The following SCD5 variants were observed in gnomAD, a reference collection of about 807,000 sequenced individuals.
SCD5 encodes the protein acyl-CoA-desaturase 4.
Under a neutral mutation model 30.4 loss-of-function variants are expected in SCD5, and 20 were observed. The ratio of observed to expected loss-of-function variants is 0.66; its 90% confidence interval spans 0.46 to 0.96. The LOEUF (loss-of-function observed/expected upper bound fraction) is 0.96. Among genes scored for constraint, SCD5 ranks in the 40% least tolerant of loss-of-function variants. SCD5 has a pLI of 0.00. For missense variants in SCD5, 381 were observed against 443.3 expected (o/e 0.86, Z 1.26); for synonymous variants, 173 against 176.4 (o/e 0.98, Z 0.16).
intron 1 of SCD5, among the ~76,000 whole-genome samples, chr4:82,721,746 C>T (rs1280859872): frequency 3.9e-5 from 6 of 152,204 alleles, no homozygotes; most frequent in Non-Finnish European, 8.8e-5. Context: ...AACTTCTAGC[C>T]TCTGGAACTG....
Position 82,784,065 on chromosome 4 carries a change from CA to C in SCD5, c.232+14240del, listed in dbSNP as rs141984427. On this transcript the variant is annotated intron_variant, in intron 1 of 4. Transcript: ENST00000319540. ...AGAGGAAATGATAAAGCAAATGAGG[CA>C]AGATGTCAGCTGGCGAATCTGGATA... Among the ~76,000 whole-genome samples, 928 of 152,120 alleles carry C rather than the reference CA, an allele frequency of 6.1e-3. 9 individuals are homozygous for C. Among genetic ancestry groups the C allele is most frequent in the African/African-American group, 0.02 (827 of 41,494 alleles).
chr4:82,798,340 G>A lies in SCD5; in HGVS notation c.198C>T (p.Leu66=), dbSNP rs752988800. Residue 66 remains leucine, a synonymous_variant, in exon 1 of 5, where the codon CTC becomes CTT. Transcript: ENST00000319540. The stretch of plus-strand genomic sequence containing the variant: ...GAGTGAGTGGCTTGGCTTTGGGGAT[G>A]AGCACCAGGGAGTACACGGCCCCCA... ...LHLGAVYSLV[L]IPKAKPLTLL... is the part of the protein sequence containing the mutation. The A allele has an allele frequency of 6.2e-6, 10 of 1,611,992 alleles. No individual in the cohort carries two copies. Among genetic ancestry groups the A allele is most frequent in the East Asian group, 4.5e-5 (2 of 44,788 alleles).
intron 2 of SCD5, among the ~76,000 whole-genome samples, chr4:82,687,356 CT>C (rs1465452730): frequency 1.3e-5 from 2 of 152,108 alleles, no homozygotes; most frequent in East Asian, 1.9e-4. Flanking sequence ...GTGGGTGACT[CT>C]TTTTTATTTT....
chr4:82,718,072 CT>C lies in SCD5; in HGVS notation c.233-12660del, dbSNP rs113602410. The stretch of plus-strand genomic sequence containing the variant: ...CTGAGTAGTTATGGGTCATTATCAC[CT>C]TTTTTTTTTAAAAAAAAAAAAAGCA... On this transcript the variant is annotated intron_variant, in intron 1 of 4. Coordinates refer to ENST00000319540, the MANE Select transcript of SCD5 (RefSeq NM_001037582.3). Among the ~76,000 whole-genome samples, 321 of 141,060 alleles carry C rather than the reference CT, an allele frequency of 2.3e-3. 2 individuals are homozygous for C. The highest frequency in any genetic ancestry group is 6.6e-3 in the Admixed American group (94 of 14,146). The allele number at this position is 141,060 out of a possible 152,430, so 92.5% of individuals were successfully genotyped here. A position where few individuals can be genotyped will look rare whatever the true frequency, so the allele number is the denominator to read the frequency against.
chr4:82,631,648 G>T, intron 4 of SCD5, 131 bp from the exon 5 acceptor site: 2 of 877,308 alleles, frequency 2.3e-6, no homozygotes, highest in Non-Finnish European at 3.4e-6. Flanking sequence ...CAAAAGACTT[G>T]GTTACTGACT....
intron 3 of SCD5, 38 bp downstream of exon 3, chr4:82,680,669 C>T (rs1728548579): frequency 1.3e-6 from 2 of 1,595,472 alleles, no homozygotes; most frequent in South Asian, 1.1e-5. Flanking sequence ...ATGTCCTGGC[C>T]CCTGAGGGAC....
At chr4:82,772,567 C>T (rs573986770) in intron 1 of SCD5, among the ~76,000 whole-genome samples, 5 of 152,328 alleles carry the variant, frequency 3.3e-5, no homozygotes, top group South Asian at 4.1e-4. Flanking sequence ...GAAATGGTCT[C>T]GCTATGGCTG....
chr4:82,757,258 G>A (rs1337330620), intron 1 of SCD5, among the ~76,000 whole-genome samples: 4 of 152,040 alleles, frequency 2.6e-5, no homozygotes, highest in Admixed American at 6.6e-5. Context: ...GTTCTTCTGT[G>A]GAAAAGTCCT....
At chr4:82,679,521 A>C (rs191187229) in intron 3 of SCD5, among the ~76,000 whole-genome samples, 1 of 152,304 alleles carries the variant, frequency 6.6e-6, no homozygotes, top group African/African-American at 2.4e-5. Flanking sequence ...CGAAGCTCTT[A>C]CTATGTGCCA....
intron 2 of SCD5, among the ~76,000 whole-genome samples, chr4:82,686,158 A>C (rs531945983): frequency 6.6e-6 from 1 of 152,070 alleles, no homozygotes. Context: ...GGCACATGCC[A>C]CTATGCCCAG....
intron 1 of SCD5, among the ~76,000 whole-genome samples, chr4:82,719,880 C>A (rs1720328594): frequency 6.6e-6 from 1 of 151,630 alleles, no homozygotes; most frequent in Non-Finnish European, 1.5e-5. Context: ...CAGTTCACTG[C>A]AACTTCAGCC....
intron 3 of SCD5, among the ~76,000 whole-genome samples, chr4:82,669,025 C>A (rs915295366): frequency 1.3e-5 from 2 of 152,042 alleles, no homozygotes; most frequent in Non-Finnish European, 2.9e-5. Flanking sequence ...ACCTTCATGG[C>A]AAATGGACTG....
At chr4:82,792,672 T>C (rs1054935040) in intron 1 of SCD5, among the ~76,000 whole-genome samples, 2 of 152,200 alleles carry the variant, frequency 1.3e-5, no homozygotes, top group African/African-American at 4.8e-5. Context: ...CAGTGAGCCA[T>C]GATGGCACTG....
chr4:82,653,265 AC>A (rs1469506346), intron 3 of SCD5, among the ~76,000 whole-genome samples: 2 of 152,232 alleles, frequency 1.3e-5, no homozygotes, highest in African/African-American at 4.8e-5. Flanking sequence ...GGTCCCCCAC[AC>A]CCTCTTCTCT....
chr4:82,666,874 G>T (rs946195204), intron 3 of SCD5, among the ~76,000 whole-genome samples: 1 of 152,134 alleles, frequency 6.6e-6, no homozygotes, highest in African/African-American at 2.4e-5. Flanking sequence ...CTATCTACAT[G>T]ACAGAGTTAT....
chr4:82,710,235 C>T (rs1026634053), intron 1 of SCD5, among the ~76,000 whole-genome samples: 8 of 152,178 alleles, frequency 5.3e-5, no homozygotes, highest in Non-Finnish European at 7.3e-5. Flanking sequence ...TCATAAGGTA[C>T]ACCCTCTCTT....
intron 1 of SCD5, among the ~76,000 whole-genome samples, chr4:82,762,701 G>A (rs756304115): frequency 4.6e-5 from 7 of 152,222 alleles, no homozygotes; most frequent in African/African-American, 9.6e-5. Context: ...GGAAGGGTCC[G>A]TGTTTGCAGG....
intron 2 of SCD5, among the ~76,000 whole-genome samples, chr4:82,699,417 C>T (rs1012238310): frequency 6.6e-6 from 1 of 152,036 alleles, no homozygotes; most frequent in Non-Finnish European, 1.5e-5. Flanking sequence ...CAGAGACTCG[C>T]TCTGTCACCC....
At chr4:82,658,630 CTT>C (rs57727794) in intron 3 of SCD5, among the ~76,000 whole-genome samples, 1 of 116,944 alleles carries the variant, frequency 8.6e-6, no homozygotes, top group African/African-American at 3.5e-5. Context: ...CCACACCTGG[CTT>C]TTTTTTTTTT....
Sources: allele counts gnomAD v4.1 joint callset (sites outside exome capture counted in the v4.1 genomes callset), GRCh38; gene constraint gnomAD v4.1.1; transcripts MANE v1.5; gene names NCBI Gene and HGNC (gene_info 2026-07-23, HGNC 2026-07-21).